KANSL1: variants seen among roughly 807,000 people sequenced by gnomAD.
KANSL1 encodes the protein KAT8 regulatory NSL complex subunit 1, also known as MLL1/MLL complex subunit KANSL1.
KANSL1 carries 22 observed loss-of-function variants against 103.6 expected under a neutral mutation model. The observed-to-expected ratio is 0.21, with a 90% CI of 0.15 to 0.30. The LOEUF (loss-of-function observed/expected upper bound fraction) is 0.30. KANSL1 is among the 10% of genes least tolerant of loss of function. The pLI is 1.00. For missense variants in KANSL1, 1,337 were observed against 1,399.8 expected (o/e 0.96, Z 0.72); for synonymous variants, 600 against 527.6 (o/e 1.14, Z -1.88).
At chr17:46,137,602 G>A (rs958418611) in intron 2 of KANSL1, among the ~76,000 whole-genome samples, 10 of 152,182 alleles carry the variant, frequency 6.6e-5, no homozygotes, top group South Asian at 2.1e-4. Context: ...TTCGCCGGGC[G>A]CGGTAGCTCA....
chr17:46,075,218 A>C (rs1312382811), intron 4 of KANSL1, among the ~76,000 whole-genome samples: 2 of 152,240 alleles, frequency 1.3e-5, no homozygotes, highest in Non-Finnish European at 2.9e-5. Flanking sequence ...ACTTTGTATA[A>C]GTTCAATGTT....
intron 2 of KANSL1, among the ~76,000 whole-genome samples, chr17:46,158,154 C>T (rs953145826): frequency 4.6e-5 from 7 of 152,284 alleles, no homozygotes; most frequent in African/African-American, 1.2e-4. Context: ...TGACATTTGA[C>T]GGTGCAAAAA....
intron 2 of KANSL1, among the ~76,000 whole-genome samples, chr17:46,123,735 G>A (rs1360874904): frequency 1.3e-5 from 2 of 152,196 alleles, no homozygotes; most frequent in Non-Finnish European, 2.9e-5. Flanking sequence ...TGAAGATGAC[G>A]GAGGCTGCTT....
At chr17:46,156,865 C>G (rs1179095744) in intron 2 of KANSL1, 2 of 145,390 alleles carry the variant, frequency 1.4e-5, no homozygotes, top group African/African-American at 5.0e-5. Context: ...CACCACTGTA[C>G]GCCAGCCTGG....
At chr17:46,170,546 GA>G (rs1220941055) in intron 2 of KANSL1, 3 of 395,276 alleles carry the variant, frequency 7.6e-6, no homozygotes, top group African/African-American at 6.2e-5. Context: ...AGTTTCAAAA[GA>G]AATCTAAATT....
At chr17:46,215,532 C>T (rs1027250430) in intron 1 of KANSL1, among the ~76,000 whole-genome samples, 1 of 152,066 alleles carries the variant, frequency 6.6e-6, no homozygotes, top group East Asian at 1.9e-4. Flanking sequence ...GCCAAAAGGG[C>T]GATGAAGGTC....
chr17:46,152,712 C>T lies in KANSL1; in HGVS notation c.1289+18143G>A, dbSNP rs142275647. 6.6e-5 allele frequency among the ~76,000 whole-genome samples: 10 copies of T among 152,164 alleles called. No homozygotes were observed. The East Asian group carries it at 1.9e-3, about 29-fold the overall frequency. On this transcript the variant is annotated intron_variant, in intron 2 of 14. Transcript: ENST00000432791. ...AAACAAGCAAACATTGAGTAATAAG[C>T]GAATTCACTGATACCAACCGAGGGT...
intron 1 of KANSL1, among the ~76,000 whole-genome samples, chr17:46,208,558 T>G (rs2048049459): frequency 6.7e-6 from 1 of 149,380 alleles, no homozygotes; most frequent in Non-Finnish European, 1.5e-5. Context: ...GGGCTGGAGG[T>G]TGCAGTGATC....
intron 2 of KANSL1, among the ~76,000 whole-genome samples, chr17:46,108,196 C>T (rs891585071): frequency 2.6e-5 from 4 of 152,190 alleles, no homozygotes; most frequent in South Asian, 2.1e-4. Flanking sequence ...CCCTGTAAGG[C>T]CTCAAACAGA....
intron 7 of KANSL1, chr17:46,045,078 T>A (rs541211297): frequency 6.6e-6 from 1 of 151,882 alleles, no homozygotes; most frequent in Non-Finnish European, 1.5e-5. Context: ...GTTGTAAGGG[T>A]GGCCCAGTAG....
At chr17:46,063,143 G>A (rs1466950554) in intron 6 of KANSL1, among the ~76,000 whole-genome samples, 1 of 152,146 alleles carries the variant, frequency 6.6e-6, no homozygotes, top group African/African-American at 2.4e-5. Flanking sequence ...TAAGATGCAG[G>A]TAAGGAAAAA....
upstream of KANSL1, among the ~76,000 whole-genome samples, chr17:46,195,870 C>T (rs2047590322): frequency 6.6e-6 from 1 of 152,114 alleles, no homozygotes; most frequent in African/African-American, 2.4e-5. Context: ...CTTAAATTTC[C>T]CCCCAAAAAA....
chr17:46,047,726 T>G (rs563128599), intron 7 of KANSL1, among the ~76,000 whole-genome samples: 1 of 150,670 alleles, frequency 6.6e-6, no homozygotes, highest in South Asian at 2.1e-4. Context: ...AAGTCAAGGT[T>G]GCAGTGAGCT....
At chr17:46,051,537 C>T (rs1407986177) in intron 6 of KANSL1, among the ~76,000 whole-genome samples, 1 of 152,172 alleles carries the variant, frequency 6.6e-6, no homozygotes, top group East Asian at 1.9e-4. Context: ...CAATTTTATA[C>T]TTTGAGCAAA....
intron 2 of KANSL1, among the ~76,000 whole-genome samples, chr17:46,132,902 C>T (rs998790228): frequency 8.5e-5 from 13 of 152,168 alleles, no homozygotes; most frequent in African/African-American, 2.9e-4. Flanking sequence ...ATCATCATAC[C>T]ACTGGACTTC....
chr17:46,097,787 G>A (rs1414503302), intron 2 of KANSL1, among the ~76,000 whole-genome samples: 3 of 151,832 alleles, frequency 2.0e-5, no homozygotes, highest in African/African-American at 7.3e-5. Context: ...CTTGAACACA[G>A]TCTCCCATAG....
In KANSL1 at chr17:46,172,041, C is replaced by T. The variant is rs369793673; in HGVS notation, c.103G>A (p.Glu35Lys). The T allele has an allele frequency of 2.5e-5, 40 of 1,614,208 alleles. No homozygotes were observed. The highest frequency in any genetic ancestry group is 3.3e-5 in the Admixed American group (2 of 60,030). ...AGGATGTTGGCGTTGCCGTTATTTT[C>T]GGCACTGCCAGGGGACAAGGTAGAG... ...PSSTLSPGSA[E>K]NNGNANILIA... Residue 35 changes from glutamate to lysine, a missense_variant, in exon 2 of 15, where the codon GAA becomes AAA. Physicochemically the swap from Glu to Lys is moderately conservative, Grantham distance 56. Around this residue, in one of 2 missense-constraint regions of KANSL1, gnomAD observed 557 missense variants for 476.4 expected, o/e 1.17. Transcript: ENST00000432791.
chr17:46,191,256 A>C (rs2047306508), intron 1 of KANSL1, among the ~76,000 whole-genome samples: 2 of 152,276 alleles, frequency 1.3e-5, no homozygotes, highest in South Asian at 4.1e-4. Context: ...ATGCTAATAA[A>C]TACACTTAGC....
rs1308441260 is a variant in KANSL1 at position 46,107,321 on chromosome 17, T to C, written c.1290-12620A>G. 2.0e-5 allele frequency among the ~76,000 whole-genome samples: 3 copies of C among 152,004 alleles called. No homozygotes were observed. In the East Asian group the frequency reaches 5.8e-4, roughly 29 times the overall value. On this transcript the variant is annotated intron_variant, in intron 2 of 14. Coordinates refer to ENST00000432791, the MANE Select transcript of KANSL1 (RefSeq NM_015443.4). ...TATTCTAATTTGTCTCTTCTCACTGTTTCTTTAACACAGGGTTTCAACCCA... is the reference window on the plus strand; with the variant it reads ...TATTCTAATTTGTCTCTTCTCACTGCTTCTTTAACACAGGGTTTCAACCCA...
Sources: gnomAD v4.1 joint callset for allele counts (sites outside exome capture counted in the v4.1 genomes callset) on GRCh38, gnomAD v4.1.1 for gene constraint, gnomAD v4.1.1 regional missense constraint, MANE v1.5 for transcripts, NCBI Gene and HGNC (gene_info 2026-07-23, HGNC 2026-07-21) for gene names.